The following PIK3C2A variants were observed in gnomAD, a reference collection of about 807,000 sequenced individuals.
PIK3C2A encodes phosphatidylinositol 4-phosphate 3-kinase C2 domain-containing subunit alpha.
A neutral mutation model predicts 204.5 loss-of-function variants in PIK3C2A; 97 were observed. That is an observed-to-expected ratio of 0.47 (90% CI 0.40 to 0.56). PIK3C2A has a LOEUF of 0.56. Among genes scored for constraint, PIK3C2A ranks in the 20% least tolerant of loss-of-function variants. The probability of loss-of-function intolerance (pLI) is 0.00; values close to 1 mark genes in which losing one functional copy is unlikely to be tolerated. For synonymous variants in PIK3C2A, 653 were observed against 664.4 expected, an observed-to-expected ratio of 0.98 and a Z score of 0.26; for missense variants, 1,735 against 1,969.2, an observed-to-expected ratio of 0.88 and a Z score of 2.25.
chr11:17,162,750 G>T (rs903622501), intron 2 of PIK3C2A, among the ~76,000 whole-genome samples: 1 of 152,126 alleles, frequency 6.6e-6, no homozygotes, highest in African/African-American at 2.4e-5. Context: ...AACCCATTCT[G>T]CTTCAGGGGC....
In PIK3C2A at chr11:17,169,304, T is replaced by A; in HGVS notation, c.438A>T (p.Leu146Phe). ...TIQRGQWPPG[L>F]PGPSTYALPS... ...GTAAAGCATAAGTGGAAGGCCCAGG[T>A]AATCCAGGTGGCCACTGTCCTCTCT... The change falls in exon 2 of 33, where the codon TTA becomes TTT. Residue 146 changes from leucine to phenylalanine, a missense_variant. Physicochemically the swap from Leu to Phe is conservative, Grantham distance 22 (BLOSUM62 0). This residue lies in a region of PIK3C2A where 536 missense variants were observed against 546.7 expected (regional missense o/e 0.98). Coordinates refer to ENST00000691414, the MANE Select transcript of PIK3C2A (RefSeq NM_002645.4). 6.2e-7 allele frequency: 1 copy of A among 1,614,170 alleles called. No homozygotes were observed. The highest frequency in any genetic ancestry group is 8.5e-7 in the Non-Finnish European group (1 of 1,180,010).
intron 1 of PIK3C2A, among the ~76,000 whole-genome samples, chr11:17,200,623 G>A (rs1016661638): frequency 1.3e-5 from 2 of 152,122 alleles, no homozygotes; most frequent in African/African-American, 4.8e-5. Flanking sequence ...ACTTCAAAAG[G>A]GCATAATTAT....
chr11:17,150,517 T>G lies in PIK3C2A; in HGVS notation c.1308A>C (p.Pro436=). The change falls in exon 4 of 33, where the codon CCA becomes CCC. Residue 436 remains proline (P), a synonymous_variant. Transcript: ENST00000691414. The part of the protein sequence containing the change: ...VSIDIEGFQL[P]VTFTCDVSST... The stretch of plus-strand genomic sequence containing the variant: ...ACCTACCATCACACGTAAAAGTAAC[T>G]GGTAGCTGAAATCCTTCAATGTCAA... The G allele has an allele frequency of 6.2e-7, 1 of 1,606,896 alleles. No homozygotes were observed.
intron 15 of PIK3C2A, among the ~76,000 whole-genome samples, 198 bp from the exon 16 acceptor site, chr11:17,120,172 GATT>G (rs1259799498): frequency 6.6e-6 from 1 of 152,062 alleles, no homozygotes; most frequent in Non-Finnish European, 1.5e-5. Context: ...TGAAAGGAAT[GATT>G]ATGTCTTGAT....
chr11:17,179,948 A>G (rs561969028), intron 1 of PIK3C2A, among the ~76,000 whole-genome samples: 2 of 152,296 alleles, frequency 1.3e-5, no homozygotes, highest in African/African-American at 4.8e-5. Flanking sequence ...AAAACAAGAC[A>G]ACATAGAATT....
intron 1 of PIK3C2A, among the ~76,000 whole-genome samples, chr11:17,201,089 CCAGCTACTCAGGAAGCTGAGACAGGA>C (rs1339747310): frequency 6.6e-6 from 1 of 152,000 alleles, no homozygotes; most frequent in Admixed American, 6.6e-5. Context: ...GCCTGTAATC[CCAGCTACTCAGGAAGCTGAGACAGGA>C]AAATCGCTTG....
intron 6 of PIK3C2A, among the ~76,000 whole-genome samples, chr11:17,147,057 T>C (rs868846131): frequency 6.6e-6 from 1 of 152,234 alleles, no homozygotes; most frequent in Non-Finnish European, 1.5e-5. Context: ...AAGCACTTTT[T>C]TTTTTAAACA....
intron 12 of PIK3C2A, among the ~76,000 whole-genome samples, chr11:17,130,099 T>A (rs1048652794): frequency 6.6e-6 from 1 of 152,202 alleles, no homozygotes; most frequent in African/African-American, 2.4e-5. Flanking sequence ...AAAAACTAGA[T>A]GAATGTTTAT....
intron 2 of PIK3C2A, among the ~76,000 whole-genome samples, chr11:17,167,287 C>T (rs573747856): frequency 1.7e-4 from 26 of 152,202 alleles, no homozygotes; most frequent in African/African-American, 4.6e-4. Flanking sequence ...TTCTTAACAC[C>T]GATTTCTCTT....
intron 28 of PIK3C2A, among the ~76,000 whole-genome samples, chr11:17,092,568 A>G (rs1201316234): frequency 6.6e-6 from 1 of 152,194 alleles, no homozygotes; most frequent in Non-Finnish European, 1.5e-5. Context: ...GCTACTCGGA[A>G]GGCTGAGGCA....
Position 17,138,411 on chromosome 11 carries a change from C to T in PIK3C2A, c.1705-1786G>A, listed in dbSNP as rs1420145908. 6.6e-5 allele frequency: 24 copies of T among 364,428 alleles called. No homozygotes were observed. The East Asian group carries it at 1.2e-3, about 18-fold the overall frequency. 22.6% of individuals were successfully genotyped at this position (364,428 alleles called of 1,614,324 possible). A position where few individuals can be genotyped will look rare whatever the true frequency, so the allele number is the denominator to read the frequency against. Reference sequence around the variant, plus strand: ...TGCACCCTCATGCTATGTTCTCCTACCTGACACCTTTGGCTAAATTTATCT... The same window carrying T: ...TGCACCCTCATGCTATGTTCTCCTATCTGACACCTTTGGCTAAATTTATCT... On this transcript the variant is annotated intron_variant, in intron 8 of 32. Transcript: ENST00000691414.
chr11:17,125,110 T>C (rs1337462961), intron 13 of PIK3C2A, among the ~76,000 whole-genome samples: 1 of 152,204 alleles, frequency 6.6e-6, no homozygotes, highest in East Asian at 1.9e-4. Context: ...GTTTAAGCCA[T>C]CAATTATGAA....
At chr11:17,191,795 C>A (rs1377980600) in intron 1 of PIK3C2A, among the ~76,000 whole-genome samples, 1 of 152,030 alleles carries the variant, frequency 6.6e-6, no homozygotes, top group East Asian at 1.9e-4. Context: ...CGGAGAGGAT[C>A]TTCATAAAAG....
At chr11:17,175,837 A>C (rs1385159034) in intron 1 of PIK3C2A, among the ~76,000 whole-genome samples, 1 of 152,224 alleles carries the variant, frequency 6.6e-6, no homozygotes, top group Non-Finnish European at 1.5e-5. Flanking sequence ...AACAGAAAAA[A>C]GCAAGTTGGT....
At position 17,134,943 on chromosome 11, in the gene PIK3C2A, A is replaced by C. The variant is rs1849821415; in HGVS notation, c.1984T>G (p.Ser662Ala). Residue 662 changes from serine to alanine, a missense_variant, in exon 11 of 33, where the codon TCT (serine) becomes GCT (alanine). Physicochemically the swap from Ser to Ala is moderately conservative, Grantham distance 99 (BLOSUM62 1). Transcript: ENST00000691414. ...GCACAGTCTGTAGGACTCCTACCAG[A>C]ATTTGCATGGAGTCTGAGAAGATCA... Reference protein sequence around the residue: ...IYDLLRLHANSGRSPTDCAQS... With the variant: ...IYDLLRLHANAGRSPTDCAQS... The C allele has an allele frequency of 6.2e-7, 1 of 1,614,126 alleles. No homozygotes were observed. Among genetic ancestry groups the C allele is most frequent in the Non-Finnish European group, 8.5e-7 (1 of 1,179,948 alleles).
At chr11:17,147,898 A>C (rs1488121703) in intron 5 of PIK3C2A, among the ~76,000 whole-genome samples, 1 of 152,182 alleles carries the variant, frequency 6.6e-6, no homozygotes, top group African/African-American at 2.4e-5. Flanking sequence ...AAAATCTGTA[A>C]AACAACTGGA....
intron 22 of PIK3C2A, 64 bp from the exon 23 acceptor site, chr11:17,105,369 T>A (rs1035513987): frequency 7.6e-6 from 10 of 1,315,690 alleles, no homozygotes; most frequent in South Asian, 1.3e-5. Context: ...TAAACATTTT[T>A]AAAAATTATT....
At chr11:17,205,555 C>CTCTCTATGATGCACTATAGAG (rs1209482802) in intron 1 of PIK3C2A, among the ~76,000 whole-genome samples, 1 of 151,106 alleles carries the variant, frequency 6.6e-6, no homozygotes. Context: ...TGCACTACTG[C>CTCTCTATGATGCACTATAGAG]TGCTCTGATG....
At chr11:17,192,299 TA>T (rs1401629749) in intron 1 of PIK3C2A, among the ~76,000 whole-genome samples, 1 of 152,198 alleles carries the variant, frequency 6.6e-6, no homozygotes, top group African/African-American at 2.4e-5. Flanking sequence ...TGGGTCAATC[TA>T]AATCAGAACA....
Sources: allele counts gnomAD v4.1 joint callset (sites outside exome capture counted in the v4.1 genomes callset), GRCh38; gene constraint gnomAD v4.1.1; regional missense constraint gnomAD v4.1.1; transcripts MANE v1.5; gene names NCBI Gene and HGNC (gene_info 2026-07-23, HGNC 2026-07-21).